ADAM33: variants seen among roughly 807,000 people sequenced by gnomAD.
ADAM33 encodes the protein ADAM metallopeptidase domain 33, also known as disintegrin and metalloproteinase domain-containing protein 33.
In ADAM33, 103 loss-of-function variants were observed where a neutral mutation model predicts 106.2. The observed-to-expected ratio is 0.97, with a 90% CI of 0.83 to 1.14. The LOEUF (loss-of-function observed/expected upper bound fraction) is 1.14, where lower values mean the gene tolerates loss of function less well. ADAM33 is among the 50% of genes most tolerant of loss of function. ADAM33 has a pLI of 0.00. For synonymous variants in ADAM33, 483 were observed against 453.0 expected (o/e 1.07, Z -0.84); for missense variants, 1,120 against 1,096.6 (o/e 1.02, Z -0.30).
intron 11 of ADAM33, 153 bp from the exon 12 acceptor site, chr20:3,673,051 A>C: frequency 7.0e-7 from 1 of 1,437,932 alleles, no homozygotes; most frequent in Non-Finnish European, 9.1e-7. Context: ...CAAGCGGGAC[A>C]GGGGACGATG....
Position 3,672,220 on chromosome 20 carries a change from C to A in ADAM33, c.1511G>T (p.Gly504Val). Residue 504 changes from glycine (G) to valine (V), a missense_variant, in exon 14 of 22, where the codon GGC becomes GTC. Physicochemically the swap from Gly to Val is moderately radical, Grantham distance 109. Transcript: ENST00000356518. ...GCCACTGCCCCTGGCACAGGGTGAG[C>A]CGTCCAGTAGGTAAACGTCTGGGGG... ...HCPPDVYLLDGSPCARGSGYC... is the reference protein window; with the variant it reads ...HCPPDVYLLDVSPCARGSGYC... 6.2e-7 allele frequency: 1 copy of A among 1,613,444 alleles called. No homozygotes were observed. Among genetic ancestry groups the A allele is most frequent in the Non-Finnish European group, 8.5e-7 (1 of 1,180,032 alleles).
intron 4 of ADAM33, 38 bp downstream of exon 4, chr20:3,674,989 T>C (rs548551996): frequency 1.9e-6 from 3 of 1,612,914 alleles, no homozygotes; most frequent in African/African-American, 2.7e-5. Context: ...GGGGGGTACC[T>C]CTGGCGGTGC....
At position 3,681,937 on chromosome 20, in the gene ADAM33, C is replaced by T. The variant is rs1347757239; in HGVS notation, c.68G>A (p.Trp23Ter). The T allele has an allele frequency of 2.5e-6, 4 of 1,579,164 alleles. No individual in the cohort carries two copies. The highest frequency in any genetic ancestry group is 3.6e-5 in the Admixed American group (2 of 55,378). ...AAGCACCCCGGCGCCTGGCACTGGC[C>T]AGAGCAGCAGCAGTAGTAGCAGCAG... is the stretch of plus-strand genomic sequence containing the variant. Reference protein sequence around the residue: ...LLLLLLLLLLWPVPGAGVLQG... With the variant: ...LLLLLLLLLL The change falls in exon 1 of 22, where the codon TGG (tryptophan) becomes TAG (stop). Residue 23 changes from tryptophan (W) to a stop codon, truncating the protein, a stop_gained. Transcript: ENST00000356518. LOFTEE classifies it high-confidence loss of function.
In ADAM33 at chr20:3,675,406, A is replaced by T. The variant is rs1314800639; in HGVS notation, c.255-301T>A. Among the ~76,000 whole-genome samples, 1 of 152,128 alleles carries T rather than the reference A, an allele frequency of 6.6e-6. No individual in the cohort carries two copies. The highest frequency in any genetic ancestry group is 1.5e-5 in the Non-Finnish European group (1 of 68,018). ...TTGTGGTTCCCAGGGGACCTGCAGC[A>T]GGCAGCAGGATCCACAGGATCGGGA... On this transcript the variant is annotated intron_variant, in intron 3 of 21. Coordinates refer to ENST00000356518, the MANE Select transcript of ADAM33 (RefSeq NM_025220.5). This position sits in a 1 kb window ranked among gnomAD's most constrained non-coding sequence, Gnocchi z 4.1.
At position 3,671,345 on chromosome 20, in the gene ADAM33, C is replaced by A; in HGVS notation, c.1984G>T (p.Val662Phe). ...RCLTACHSHG[V>F]CNSNHNCHCA... ...TGGCAGTTATGGTTGCTATTGCAAA[C>A]CTGCAGAGAAGAGAAGAGGAGGGTC... Residue 662 changes from valine to phenylalanine, a missense_variant and splice_region_variant, in exon 18 of 22, where the codon GTT becomes TTT. Coordinates refer to ENST00000356518, the MANE Select transcript of ADAM33 (RefSeq NM_025220.5). The A allele has an allele frequency of 6.2e-7, 1 of 1,613,592 alleles. No homozygotes were observed. The highest frequency in any genetic ancestry group is 8.5e-7 in the Non-Finnish European group (1 of 1,179,762).
At chr20:3,670,638 G>C (rs967635161) in intron 19 of ADAM33, 1 of 230,014 alleles carries the variant, frequency 4.3e-6, no homozygotes, top group Non-Finnish European at 8.6e-6. Flanking sequence ...TGGTGAGACA[G>C]AGGCTGGACA....
Position 3,669,549 on chromosome 20 carries a change from G to T in ADAM33, c.2329C>A (p.Leu777Met). The T allele has an allele frequency of 6.3e-7, 1 of 1,586,614 alleles. No homozygotes were observed. Among genetic ancestry groups the T allele is most frequent in the Non-Finnish European group, 8.6e-7 (1 of 1,166,294 alleles). Residue 777 changes from leucine (L) to methionine (M), a missense_variant, in exon 20 of 22, where the codon CTG becomes ATG. Transcript: ENST00000356518. ...GPTATGQPWP[L>M]DPENSHEPSS... The stretch of plus-strand genomic sequence containing the variant: ...CTCCCCCTGGTGCCTCACTCACCCA[G>T]GGGCCAGGGCTGTCCAGTGGCTGTG...
At chr20:3,673,273 G>C in intron 11 of ADAM33, 81 bp downstream of exon 11, 5 of 1,534,324 alleles carry the variant, frequency 3.3e-6, no homozygotes, top group Non-Finnish European at 4.4e-6. Flanking sequence ...AGAGGAAACT[G>C]AGGGACGACC....
In ADAM33 at chr20:3,673,608, A is replaced by T; in HGVS notation, c.956T>A (p.Met319Lys). 7.3e-7 allele frequency: 1 copy of T among 1,365,276 alleles called. No individual in the cohort carries two copies. Among genetic ancestry groups the T allele is most frequent in the Non-Finnish European group, 9.4e-7 (1 of 1,066,786 alleles). The allele number at this position is 1,365,276 out of a possible 1,614,324, so 84.6% of individuals were successfully genotyped here. ...ATVGLAPVEG[M>K]CRAESSGGVS... ...GCCTCCCGAGCTCTCGGCGCGGCAC[A>T]TGCCCTCGACGGGCGCCAGGCCCAC... The change falls in exon 10 of 22, where the codon ATG (methionine) becomes AAG (lysine). Residue 319 changes from methionine (M) to lysine (K), a missense_variant. Met to Lys is a moderately conservative substitution (Grantham distance 95). Coordinates refer to ENST00000356518, the MANE Select transcript of ADAM33 (RefSeq NM_025220.5).
At chr20:3,670,093 C>T in intron 19 of ADAM33, 1 of 245,106 alleles carries the variant, frequency 4.1e-6, no homozygotes, top group Non-Finnish European at 8.0e-6. Context: ...AAACATTCTC[C>T]CCTGCCCTGA....
Position 3,671,730 on chromosome 20 carries a change from G to A in ADAM33, c.1756C>T (p.Leu586Phe). 5 of 1,583,708 alleles carry A rather than the reference G, an allele frequency of 3.2e-6. No homozygotes were observed. Among genetic ancestry groups the A allele is most frequent in the Non-Finnish European group, 3.4e-6 (4 of 1,164,586 alleles). ...LQCQGGKPSL[L>F]APHMVPVDST... ...TCCACTGGCACCATGTGCGGTGCGA[G>A]CAGGCTGGGCTTTCCACCCTGGCAC... is the stretch of plus-strand genomic sequence containing the variant. Residue 586 changes from leucine to phenylalanine, a missense_variant, in exon 16 of 22, where the codon CTC becomes TTC. Coordinates refer to ENST00000356518, the MANE Select transcript of ADAM33 (RefSeq NM_025220.5).
intron 12 of ADAM33, 38 bp from the exon 13 acceptor site, chr20:3,672,664 GC>G: frequency 6.2e-7 from 1 of 1,610,944 alleles, no homozygotes; most frequent in Non-Finnish European, 8.5e-7. Context: ...AGGTGAGGGC[GC>G]AGCGCCCCAG....
rs1371350543 is a variant in ADAM33 at position 3,674,796 on chromosome 20, G to C, written c.387C>G (p.Val129=). 6 of 1,610,872 alleles carry C rather than the reference G, an allele frequency of 3.7e-6. No individual in the cohort carries two copies. The highest frequency in any genetic ancestry group is 5.1e-6 in the Non-Finnish European group (6 of 1,178,278). ...RVRGFPDSWV[V]LCTCSGMSGL... is the part of the protein sequence containing the mutation. ...ACCTCATCCCAGAGCAGGTGCAGAGGACTACCCAGGAGTCGGGGAAGCCCC... is the reference window on the plus strand; with the variant it reads ...ACCTCATCCCAGAGCAGGTGCAGAGCACTACCCAGGAGTCGGGGAAGCCCC... Residue 129 remains valine (V), a synonymous_variant, in exon 5 of 22, where the codon GTC becomes GTG. Coordinates refer to ENST00000356518, the MANE Select transcript of ADAM33 (RefSeq NM_025220.5).
At position 3,672,197 on chromosome 20, in the gene ADAM33, C is replaced by A. The variant is rs1448506309; in HGVS notation, c.1534G>T (p.Gly512Cys). 1 of 1,613,404 alleles carries A rather than the reference C, an allele frequency of 6.2e-7. No individual in the cohort carries two copies. ...GGACATGCGCCATCCCAGCAGTAGC[C>A]ACTGCCCCTGGCACAGGGTGAGCCG... ...LDGSPCARGS[G>C]YCWDGACPTL... The change falls in exon 14 of 22, where the codon GGC becomes TGC. Residue 512 changes from glycine to cysteine, a missense_variant. By Grantham distance (159) the Gly-to-Cys change is radical. Coordinates refer to ENST00000356518, the MANE Select transcript of ADAM33 (RefSeq NM_025220.5).
At chr20:3,679,987 G>GCC in intron 1 of ADAM33, among the ~76,000 whole-genome samples, 1 of 151,876 alleles carries the variant, frequency 6.6e-6, no homozygotes, top group African/African-American at 2.4e-5. Context: ...GGACACTTGT[G>GCC]CCCCCCCCAT....
At chr20:3,676,121 T>C (rs1251798667) in intron 3 of ADAM33, among the ~76,000 whole-genome samples, 1 of 152,194 alleles carries the variant, frequency 6.6e-6, no homozygotes, top group African/African-American at 2.4e-5. Flanking sequence ...TATATACTGA[T>C]AACATAATCT....
chr20:3,671,431 G>A lies in ADAM33; in HGVS notation c.1971C>T (p.Cys657=). The A allele has an allele frequency of 6.2e-7, 1 of 1,612,610 alleles. No individual in the cohort carries two copies. The highest frequency in any genetic ancestry group is 8.5e-7 in the Non-Finnish European group (1 of 1,179,274). The change falls in exon 17 of 22, where the codon TGC becomes TGT. Residue 657 remains cysteine (C), a synonymous_variant. Coordinates refer to ENST00000356518, the MANE Select transcript of ADAM33 (RefSeq NM_025220.5). ...FQELQRCLTA[C]HSHGVCNSNH... is the part of the protein sequence containing the mutation. Reference sequence around the variant, plus strand: ...CTCGGGCTCTCACCCCGTGGCTGTGGCAGGCAGTCAGGCAGCGCTGAAGCT... The same window carrying A: ...CTCGGGCTCTCACCCCGTGGCTGTGACAGGCAGTCAGGCAGCGCTGAAGCT...
chr20:3,681,825 C>T, intron 1 of ADAM33, 83 bp downstream of exon 1: 7 of 1,509,542 alleles, frequency 4.6e-6, no homozygotes, highest in South Asian at 2.6e-5. Context: ...CGCGCGCTGA[C>T]CCGAGCTCTG....
intron 2 of ADAM33, among the ~76,000 whole-genome samples, chr20:3,678,139 A>C (rs186200573): frequency 3.9e-4 from 59 of 152,394 alleles, no homozygotes; most frequent in Middle Eastern, 3.4e-3. Context: ...TATTGGGGAA[A>C]GGTCTGCACC....
Sources: allele counts gnomAD v4.1 joint callset (sites outside exome capture counted in the v4.1 genomes callset), GRCh38; gene constraint gnomAD v4.1.1; non-coding constraint Gnocchi (gnomAD v3.1); transcripts MANE v1.5; gene names NCBI Gene and HGNC (gene_info 2026-07-23, HGNC 2026-07-21).